RGS7: variants seen among roughly 807,000 people sequenced by gnomAD.
RGS7 encodes regulator of G protein signaling 7, also known as regulator of G-protein signaling 7.
RGS7 carries 27 observed loss-of-function variants against 81.1 expected under a neutral mutation model. The ratio of observed to expected loss-of-function variants is 0.33; its 90% CI spans 0.25 to 0.46. The LOEUF is 0.46. Among genes scored for constraint, RGS7 ranks in the 20% least tolerant of loss-of-function variants. The probability of loss-of-function intolerance (pLI) is 1.00; values close to 1 mark genes in which losing one functional copy is unlikely to be tolerated. For missense variants in RGS7, 396 were observed against 607.4 expected (o/e 0.65, Z 3.66); for synonymous variants, 208 against 207.7 (o/e 1.00, Z -0.01).
intron 3 of RGS7, among the ~76,000 whole-genome samples, chr1:241,026,466 G>A (rs1207119509): frequency 6.6e-6 from 1 of 152,012 alleles, no homozygotes; most frequent in Non-Finnish European, 1.5e-5. Context: ...GCACATGCCT[G>A]TAATTCCAGC....
At chr1:241,189,071 C>T (rs2072380034) in intron 2 of RGS7, among the ~76,000 whole-genome samples, 1 of 152,076 alleles carries the variant, frequency 6.6e-6, no homozygotes, top group Non-Finnish European at 1.5e-5. Context: ...AATTCCTGGG[C>T]TCAAGCGATC....
At chr1:241,318,085 C>T (rs948515401) in intron 2 of RGS7, among the ~76,000 whole-genome samples, 2 of 152,174 alleles carry the variant, frequency 1.3e-5, no homozygotes, top group African/African-American at 4.8e-5. Context: ...ATACATTTGT[C>T]TACGTGTTAC....
chr1:240,978,523 C>A (rs1228139611), intron 4 of RGS7, among the ~76,000 whole-genome samples: 1 of 152,006 alleles, frequency 6.6e-6, no homozygotes. Flanking sequence ...CTGTAAAGGG[C>A]TGAATCGGCA....
intron 4 of RGS7, among the ~76,000 whole-genome samples, chr1:240,962,235 C>T (rs1213805569): frequency 1.3e-5 from 2 of 152,146 alleles, no homozygotes; most frequent in East Asian, 1.9e-4. Context: ...TCTGCTTAAG[C>T]TCTGGTGAAT....
chr1:241,187,936 A>G, intron 2 of RGS7, among the ~76,000 whole-genome samples: 1 of 152,110 alleles, frequency 6.6e-6, no homozygotes, highest in East Asian at 1.9e-4. Context: ...AAAGTGGGGT[A>G]GGAAGGGAAG....
At chr1:241,259,667 A>AATATATAT (rs59037983) in intron 2 of RGS7, among the ~76,000 whole-genome samples, 18 of 49,112 alleles carry the variant, frequency 3.7e-4, no homozygotes, top group South Asian at 2.1e-3. Context: ...AAAAAAAAAA[A>AATATATAT]ATATATATAT....
At chr1:241,082,471 G>A (rs949682591) in intron 3 of RGS7, among the ~76,000 whole-genome samples, 11 of 152,182 alleles carry the variant, frequency 7.2e-5, no homozygotes, top group African/African-American at 2.4e-4. Context: ...GTGAAAATAA[G>A]TCAGAGCTTG....
At chr1:240,976,660 C>T (rs1363801330) in intron 4 of RGS7, among the ~76,000 whole-genome samples, 2 of 152,182 alleles carry the variant, frequency 1.3e-5, no homozygotes, top group East Asian at 3.9e-4. Context: ...CTCCAGCCTG[C>T]TGTCCTGCTC....
intron 2 of RGS7, among the ~76,000 whole-genome samples, chr1:241,221,470 C>T (rs1442847973): frequency 1.3e-5 from 2 of 152,144 alleles, no homozygotes; most frequent in African/African-American, 2.4e-5. Context: ...CAGTGGAATA[C>T]GGGCAGATGT....
intron 3 of RGS7, among the ~76,000 whole-genome samples, chr1:241,040,197 T>C (rs1289263570): frequency 6.6e-6 from 1 of 152,176 alleles, no homozygotes; most frequent in Non-Finnish European, 1.5e-5. Context: ...TTTCTGTAAA[T>C]AAAGTCCATT....
chr1:241,281,488 G>T (rs986177089), intron 2 of RGS7, among the ~76,000 whole-genome samples: 1 of 152,150 alleles, frequency 6.6e-6, no homozygotes, highest in African/African-American at 2.4e-5. Flanking sequence ...AACCGTAAAC[G>T]CTGAATAACA....
At chr1:241,177,456 G>C (rs535762027) in intron 2 of RGS7, among the ~76,000 whole-genome samples, 389 of 152,276 alleles carry the variant, frequency 2.6e-3, no homozygotes, top group Non-Finnish European at 4.7e-3. Flanking sequence ...GGCCCCACTG[G>C]CCAGATCATC....
intron 3 of RGS7, among the ~76,000 whole-genome samples, chr1:241,098,379 T>G (rs2064452413): frequency 2.0e-5 from 3 of 152,216 alleles, no homozygotes; most frequent in Admixed American, 2.0e-4. Flanking sequence ...ATATACAACC[T>G]TCATAACATT....
At chr1:241,113,777 C>G (rs1266199158) in intron 2 of RGS7, among the ~76,000 whole-genome samples, 1 of 152,150 alleles carries the variant, frequency 6.6e-6, no homozygotes, top group Non-Finnish European at 1.5e-5. Context: ...AAAACATGTA[C>G]TTTACAGCAT....
chr1:241,221,008 AGG>A (rs2074922998), intron 2 of RGS7, among the ~76,000 whole-genome samples: 1 of 41,292 alleles, frequency 2.4e-5, no homozygotes, highest in East Asian at 7.4e-4. Flanking sequence ...AGAGAGAGAA[AGG>A]AAGGAAGGAA....
intron 3 of RGS7, among the ~76,000 whole-genome samples, chr1:241,017,376 G>A (rs554684470): frequency 1.4e-5 from 2 of 147,480 alleles, no homozygotes; most frequent in South Asian, 2.1e-4. Context: ...AGGAGGTGGA[G>A]TTGCAGTGAG....
At chr1:240,969,081 C>T (rs978897391) in intron 4 of RGS7, among the ~76,000 whole-genome samples, 3 of 152,208 alleles carry the variant, frequency 2.0e-5, no homozygotes, top group African/African-American at 7.2e-5. Flanking sequence ...TTCTGAGTGG[C>T]TACCCTGATG....
chr1:240,947,114 A>G (rs1678766192), intron 4 of RGS7, among the ~76,000 whole-genome samples: 1 of 152,194 alleles, frequency 6.6e-6, no homozygotes, highest in Admixed American at 6.5e-5. Context: ...CAACACACAC[A>G]TGCCCCCTGG....
chr1:241,333,125 A>G (rs1165166051), intron 2 of RGS7, among the ~76,000 whole-genome samples: 1 of 152,232 alleles, frequency 6.6e-6, no homozygotes, highest in East Asian at 1.9e-4. Context: ...ACAGACTTCA[A>G]AAGCAGATCA....
Sources: allele counts gnomAD v4.1 joint callset (sites outside exome capture counted in the v4.1 genomes callset), GRCh38; gene constraint gnomAD v4.1.1; transcripts MANE v1.5; gene names NCBI Gene and HGNC (gene_info 2026-07-23, HGNC 2026-07-21).